The following INPP4A variants were observed in gnomAD, a reference collection of about 807,000 sequenced individuals.
INPP4A encodes the protein inositol polyphosphate-4-phosphatase, type I, 107kD.
INPP4A carries 33 observed loss-of-function variants against 119.8 expected under a neutral mutation model. That is an observed-to-expected ratio of 0.28 (90% CI 0.21 to 0.37). The LOEUF (loss-of-function observed/expected upper bound fraction) is 0.37. Among genes scored for constraint, INPP4A ranks in the 10% least tolerant of loss-of-function variants. The probability of loss-of-function intolerance (pLI) is 1.00; values close to 1 mark genes in which losing one functional copy is unlikely to be tolerated. For missense variants in INPP4A, 956 were observed against 1,289.9 expected (o/e 0.74, Z 3.97); for synonymous variants, 496 against 500.7 (o/e 0.99, Z 0.12).
At chr2:98,483,533 G>C (rs1678910879) in intron 1 of INPP4A, among the ~76,000 whole-genome samples, 2 of 152,114 alleles carry the variant, frequency 1.3e-5, no homozygotes, top group African/African-American at 4.8e-5. Flanking sequence ...TGCTGCATGT[G>C]GGATCTGTCG....
chr2:98,544,124 CACTT>C, intron 11 of INPP4A, 117 bp downstream of exon 11: 1 of 908,992 alleles, frequency 1.1e-6, no homozygotes, highest in Non-Finnish European at 1.6e-6. Context: ...AACACAGGGT[CACTT>C]ACACATTCCC....
chr2:98,581,492 C>T (rs1699297400), intron 24 of INPP4A: 1 of 1,295,448 alleles, frequency 7.7e-7, no homozygotes, highest in East Asian at 2.8e-5. Flanking sequence ...TGATAAAATC[C>T]ATCGCATGTG....
At position 98,553,574 on chromosome 2, in the gene INPP4A, C is replaced by T. The variant is rs1206992378; in HGVS notation, c.1347+605C>T. Among the ~76,000 whole-genome samples, 7 of 151,712 alleles carry T rather than the reference C, an allele frequency of 4.6e-5. No homozygotes were observed. The East Asian group carries it at 9.7e-4, about 21-fold the overall frequency. On this transcript the variant is annotated intron_variant, in intron 14 of 24. Transcript: ENST00000409851. ...GCTCTCATACACACACACACGCTCT[C>T]ATACACACACACACACCCCAGATTC...
intron 24 of INPP4A, chr2:98,581,819 C>A: frequency 6.5e-7 from 1 of 1,549,230 alleles, no homozygotes; most frequent in Non-Finnish European, 8.7e-7. Context: ...TGTCCAGCCA[C>A]CGTGTACCTA....
intron 16 of INPP4A, chr2:98,556,073 G>T: frequency 2.2e-6 from 1 of 450,544 alleles, no homozygotes; most frequent in Non-Finnish European, 3.9e-6. Flanking sequence ...CACCACCATG[G>T]CTATAAGGGT....
Position 98,554,406 on chromosome 2 carries a change from A to G in INPP4A, c.1483A>G (p.Asn495Asp). 1 of 1,613,906 alleles carries G rather than the reference A, an allele frequency of 6.2e-7. No homozygotes were observed. The highest frequency in any genetic ancestry group is 8.5e-7 in the Non-Finnish European group (1 of 1,179,852). Residue 495 changes from asparagine to aspartate, a missense_variant, in exon 15 of 25, where the codon AAT (asparagine) becomes GAT (aspartate). Asn to Asp is a conservative substitution (Grantham distance 23, BLOSUM62 1). Transcript: ENST00000409851. The surrounding 1 kb of genome is among the most constrained non-coding windows in gnomAD (Gnocchi z 4.7). ...STEEEQVMLR[N>D]DQDTLMARWT... Reference sequence around the variant, plus strand: ...TGAGGAGGAGCAGGTGATGCTTAGAAATGACCAGGACACCCTCATGGCCCG... The same window carrying G: ...TGAGGAGGAGCAGGTGATGCTTAGAGATGACCAGGACACCCTCATGGCCCG...
At position 98,581,006 on chromosome 2, in the gene INPP4A, G is replaced by A. The variant is rs577616678; in HGVS notation, c.2786+3863G>A. On this transcript the variant is annotated intron_variant, in intron 24 of 24. Coordinates refer to ENST00000409851, the MANE Select transcript of INPP4A (RefSeq NM_001134225.2). Reference sequence around the variant, plus strand: ...CCTGCCACTGCTGAGCCTGGAACCCGAGGCGGGGCTGGTGGGGGCTCTGCG... The same window carrying A: ...CCTGCCACTGCTGAGCCTGGAACCCAAGGCGGGGCTGGTGGGGGCTCTGCG... Among the ~76,000 whole-genome samples, 209 of 152,324 alleles carry A rather than the reference G, an allele frequency of 1.4e-3. 1 individual carries two copies. Among genetic ancestry groups the A allele is most frequent in the Non-Finnish European group, 2.4e-3 (166 of 68,030 alleles).
At chr2:98,486,587 A>G (rs567488588) in intron 1 of INPP4A, among the ~76,000 whole-genome samples, 1 of 152,254 alleles carries the variant, frequency 6.6e-6, no homozygotes, top group Non-Finnish European at 1.5e-5. Flanking sequence ...GTCTGGGGTG[A>G]GGAACACCTG....
chr2:98,470,060 T>TG (rs1165718016), intron 1 of INPP4A, among the ~76,000 whole-genome samples: 3 of 152,226 alleles, frequency 2.0e-5, no homozygotes, highest in African/African-American at 7.2e-5. Flanking sequence ...CTCCTGCCCC[T>TG]GTCCGTCCAC....
rs1269650054 is a variant in INPP4A, at chr2:98,589,891, G to T, written c.*2283G>T. 1.0e-5 allele frequency: 2 copies of T among 197,878 alleles called. No individual in the cohort carries two copies. Among genetic ancestry groups the T allele is most frequent in the Non-Finnish European group, 2.1e-5 (2 of 95,586 alleles). The allele number at this position is 197,878 out of a possible 1,614,324, so 12.3% of individuals were successfully genotyped here. A position where few individuals can be genotyped will look rare whatever the true frequency, so the allele number is the denominator to read the frequency against. On this transcript the variant is annotated 3_prime_UTR_variant, in exon 25 of 25. Transcript: ENST00000409851. ...AAACTGGGAATGTAATGTGGATTCT[G>T]TCAGAGCTCCTACAGAGCACAGTTG...
At chr2:98,551,563 C>A (rs1187716049) in intron 13 of INPP4A, among the ~76,000 whole-genome samples, 1 of 152,138 alleles carries the variant, frequency 6.6e-6, no homozygotes. Flanking sequence ...TCTTGATGAA[C>A]CACTTTGGGA....
At chr2:98,461,033 TC>T (rs1160843389) in intron 1 of INPP4A, among the ~76,000 whole-genome samples, 1 of 152,174 alleles carries the variant, frequency 6.6e-6, no homozygotes, top group East Asian at 1.9e-4. Flanking sequence ...GCCGGTTCCA[TC>T]TTCTCCATAG....
chr2:98,520,169 G>A lies in INPP4A; in HGVS notation c.106+15G>A, dbSNP rs1203464813. 6.5e-7 allele frequency: 1 copy of A among 1,545,202 alleles called. No individual in the cohort carries two copies. Among genetic ancestry groups the A allele is most frequent in the Admixed American group, 2.0e-5 (1 of 51,202 alleles). On this transcript the variant is annotated intron_variant, in intron 3 of 24. Coordinates refer to ENST00000409851, the MANE Select transcript of INPP4A (RefSeq NM_001134225.2). ...CTCTCTGGCAGGTGAGCCTCACAGG[G>A]CCTGCACCGGGCTCCAGGTATGAGC...
At chr2:98,460,143 TTAAAAG>T (rs1219644079) in intron 1 of INPP4A, among the ~76,000 whole-genome samples, 2 of 145,960 alleles carry the variant, frequency 1.4e-5, no homozygotes, top group Non-Finnish European at 1.5e-5. Flanking sequence ...ATGTTTAAAA[TTAAAAG>T]TAAAAATTTT....
intron 7 of INPP4A, among the ~76,000 whole-genome samples, chr2:98,537,155 A>C (rs1411864535): frequency 6.6e-6 from 1 of 152,240 alleles, no homozygotes; most frequent in Admixed American, 6.5e-5. Flanking sequence ...AGGACAGGGC[A>C]AGGAAATCAC....
In INPP4A at chr2:98,570,445, C is replaced by A. The variant is rs1697244691; in HGVS notation, c.2518+1777C>A. On this transcript the variant is annotated intron_variant, in intron 22 of 24. Transcript: ENST00000409851. The surrounding 1 kb of genome is among the most constrained non-coding windows in gnomAD (Gnocchi z 4.3). ...GGACACTGGATGTGTGGACAAGGAGCTGCTGGTGATCTCTCCCATACAGTC... is the reference window on the plus strand; with the variant it reads ...GGACACTGGATGTGTGGACAAGGAGATGCTGGTGATCTCTCCCATACAGTC... Among the ~76,000 whole-genome samples the A allele has an allele frequency of 6.6e-6, 1 of 152,156 alleles. No homozygotes were observed. Among genetic ancestry groups the A allele is most frequent in the Non-Finnish European group, 1.5e-5 (1 of 68,014 alleles).
chr2:98,473,820 A>G (rs996789762), intron 1 of INPP4A, among the ~76,000 whole-genome samples: 3 of 152,182 alleles, frequency 2.0e-5, no homozygotes, highest in Non-Finnish European at 4.4e-5. Context: ...AATACATGTG[A>G]TTGGGGAAGA....
At chr2:98,478,380 C>G (rs116570729) in intron 1 of INPP4A, among the ~76,000 whole-genome samples, 258 of 152,304 alleles carry the variant, frequency 1.7e-3, no homozygotes, top group Non-Finnish European at 3.4e-3. Flanking sequence ...TTACAAGGCT[C>G]TGTTCCTGGA....
intron 1 of INPP4A, among the ~76,000 whole-genome samples, chr2:98,509,696 G>A (rs570819057): frequency 1.3e-5 from 2 of 152,166 alleles, no homozygotes; most frequent in African/African-American, 2.4e-5. Flanking sequence ...CAGACATTGC[G>A]CTTGTGATTA....
Sources: gnomAD v4.1 joint callset for allele counts (sites outside exome capture counted in the v4.1 genomes callset) on GRCh38, gnomAD v4.1.1 for gene constraint, Gnocchi (gnomAD v3.1) non-coding constraint, MANE v1.5 for transcripts, NCBI Gene and HGNC (gene_info 2026-07-23, HGNC 2026-07-21) for gene names.